SYT1: variants seen among roughly 807,000 people sequenced by gnomAD.
SYT1 encodes synaptotagmin 1.
In SYT1, 8 loss-of-function variants were observed where a neutral mutation model predicts 44.8. That is an observed-to-expected ratio of 0.18 (90% CI 0.10 to 0.32). SYT1 has a LOEUF of 0.32. SYT1 is among the 10% of genes least tolerant of loss of function. The pLI is 1.00. For synonymous variants in SYT1, 154 were observed against 188.8 expected, an observed-to-expected ratio of 0.82 and a Z score of 1.51; for missense variants, 286 against 509.3, an observed-to-expected ratio of 0.56 and a Z score of 4.22.
chr12:79,086,073 A>T (rs983343864), intron 3 of SYT1, among the ~76,000 whole-genome samples: 23 of 152,152 alleles, frequency 1.5e-4, no homozygotes, highest in Admixed American at 1.3e-3. Context: ...ACCTTACAGG[A>T]TTATTGTGAA....
intron 6 of SYT1, among the ~76,000 whole-genome samples, chr12:79,292,467 C>G (rs1879635011): frequency 6.6e-6 from 1 of 152,226 alleles, no homozygotes; most frequent in African/African-American, 2.4e-5. Context: ...CTGCAGCAAC[C>G]TTCCTTGGAC....
chr12:78,878,844 T>A (rs533557066), intron 1 of SYT1, among the ~76,000 whole-genome samples: 1 of 151,774 alleles, frequency 6.6e-6, no homozygotes, highest in South Asian at 2.1e-4. Flanking sequence ...GTCCTCTGAT[T>A]TACATAGTCA....
chr12:79,064,972 G>C (rs753472036), intron 3 of SYT1, among the ~76,000 whole-genome samples: 1 of 148,214 alleles, frequency 6.7e-6, no homozygotes, highest in Non-Finnish European at 1.5e-5. Context: ...AAGAAAGAAA[G>C]AAAGAAAGAA....
chr12:79,050,076 T>G, intron 3 of SYT1, among the ~76,000 whole-genome samples: 1 of 152,032 alleles, frequency 6.6e-6, no homozygotes. Context: ...CCTCCAAAAC[T>G]TAACTACTAA....
intron 3 of SYT1, among the ~76,000 whole-genome samples, chr12:79,143,154 C>T (rs1221278887): frequency 6.6e-6 from 1 of 152,142 alleles, no homozygotes; most frequent in Non-Finnish European, 1.5e-5. Context: ...AGAACAGACC[C>T]TGTTAAGATC....
intron 3 of SYT1, among the ~76,000 whole-genome samples, chr12:79,138,978 C>T (rs1266156788): frequency 6.6e-6 from 1 of 152,052 alleles, no homozygotes; most frequent in Non-Finnish European, 1.5e-5. Context: ...TGAACAAAAC[C>T]TCAAAATATT....
intron 3 of SYT1, among the ~76,000 whole-genome samples, chr12:79,140,916 C>T (rs1340464563): frequency 6.6e-6 from 1 of 152,178 alleles, no homozygotes; most frequent in South Asian, 2.1e-4. Context: ...CACTACCTCA[C>T]CCTGAGCTCA....
intron 3 of SYT1, among the ~76,000 whole-genome samples, chr12:79,074,387 T>C (rs1319045151): frequency 6.6e-6 from 1 of 152,154 alleles, no homozygotes; most frequent in Non-Finnish European, 1.5e-5. Context: ...AAGTGACACA[T>C]GCAGCATTTG....
At chr12:79,351,061 T>C (rs901091817) in intron 8 of SYT1, among the ~76,000 whole-genome samples, 2 of 152,230 alleles carry the variant, frequency 1.3e-5, no homozygotes, top group Non-Finnish European at 2.9e-5. Context: ...GTTCTTAAAC[T>C]AATGAAGCAA....
At chr12:79,419,312 C>T (rs1176241690) in intron 9 of SYT1, 2 of 514,590 alleles carry the variant, frequency 3.9e-6, no homozygotes, top group South Asian at 2.9e-5. Context: ...AGCTTAATTT[C>T]CTTTTTTCTA....
At chr12:79,299,753 C>T (rs1023363902) in intron 8 of SYT1, among the ~76,000 whole-genome samples, 2 of 146,246 alleles carry the variant, frequency 1.4e-5, no homozygotes, top group Non-Finnish European at 3.0e-5. Context: ...AGAAGAGAGA[C>T]ATTTGTGTAC....
At chr12:79,190,303 C>T (rs1390546005) in intron 3 of SYT1, among the ~76,000 whole-genome samples, 8 of 152,092 alleles carry the variant, frequency 5.3e-5, no homozygotes, top group African/African-American at 1.9e-4. Flanking sequence ...GTCAAAATCA[C>T]CTGTGAAGAA....
At chr12:79,442,302 A>G (rs149661452) in intron 9 of SYT1, among the ~76,000 whole-genome samples, 490 of 152,274 alleles carry the variant, frequency 3.2e-3, no homozygotes, top group African/African-American at 0.011. Context: ...AAAAATCAAC[A>G]TTGGCTGTGA....
intron 4 of SYT1, among the ~76,000 whole-genome samples, chr12:79,245,899 G>A (rs1485713030): frequency 6.6e-6 from 1 of 151,514 alleles, no homozygotes; most frequent in Non-Finnish European, 1.5e-5. Context: ...TTTCAGGAAA[G>A]GGAACCACAT....
At chr12:79,374,515 C>G (rs1883915957) in intron 9 of SYT1, among the ~76,000 whole-genome samples, 1 of 151,986 alleles carries the variant, frequency 6.6e-6, no homozygotes, top group Non-Finnish European at 1.5e-5. Context: ...ATGGTAATTT[C>G]TTCATAATTT....
At chr12:79,162,187 A>G (rs1870989948) in intron 3 of SYT1, among the ~76,000 whole-genome samples, 2 of 152,098 alleles carry the variant, frequency 1.3e-5, no homozygotes, top group South Asian at 4.1e-4. Context: ...CAAAATGGAG[A>G]GTAAAACTCC....
intron 4 of SYT1, among the ~76,000 whole-genome samples, chr12:79,228,901 A>C (rs925732607): frequency 3.9e-4 from 60 of 152,164 alleles, no homozygotes; most frequent in African/African-American, 4.6e-4. Flanking sequence ...AGCCAGTTCA[A>C]GTGTCACCAC....
intron 2 of SYT1, among the ~76,000 whole-genome samples, chr12:79,021,660 A>G (rs1036786207): frequency 1.3e-5 from 2 of 151,878 alleles, no homozygotes; most frequent in Non-Finnish European, 2.9e-5. Context: ...TATTTTAAAG[A>G]TGAAAATTGC....
intron 9 of SYT1, among the ~76,000 whole-genome samples, chr12:79,380,484 T>A (rs1357930080): frequency 6.6e-6 from 1 of 152,190 alleles, no homozygotes; most frequent in Non-Finnish European, 1.5e-5. Flanking sequence ...CATAGCTCAC[T>A]GAAGCCTCGA....
Sources: gnomAD v4.1 joint callset for allele counts (sites outside exome capture counted in the v4.1 genomes callset) on GRCh38, gnomAD v4.1.1 for gene constraint, MANE v1.5 for transcripts, NCBI Gene and HGNC (gene_info 2026-07-23, HGNC 2026-07-21) for gene names.